NFIB: variants seen among roughly 807,000 people sequenced by gnomAD.
The protein encoded by NFIB is nuclear factor 1 B-type.
In NFIB, 11 loss-of-function variants were observed where a neutral mutation model predicts 61.5. The ratio of observed to expected loss-of-function variants is 0.18; its 90% CI spans 0.11 to 0.30. The LOEUF (loss-of-function observed/expected upper bound fraction) is 0.30. Ranked by LOEUF, NFIB falls within the 10% of genes least tolerant of loss-of-function variation. NFIB has a pLI of 1.00. For synonymous variants in NFIB, 260 were observed against 216.5 expected (o/e 1.20, Z -1.76); for missense variants, 471 against 608.9 (o/e 0.77, Z 2.38).
At chr9:14,517,018 G>A in the NFIB span, among the ~76,000 whole-genome samples, 1 of 152,170 alleles carries the variant, frequency 6.6e-6, no homozygotes, top group Non-Finnish European at 1.5e-5. Context: ...ACAACTGTTG[G>A]CATTAGGGAT....
intron 2 of NFIB, among the ~76,000 whole-genome samples, chr9:14,295,778 C>A (rs773342965): frequency 6.6e-6 from 1 of 152,180 alleles, no homozygotes; most frequent in Non-Finnish European, 1.5e-5. Context: ...CAGTTTTACA[C>A]TTTTATTGGA....
chr9:14,378,885 A>G (rs2132993648), intron 1 of NFIB, among the ~76,000 whole-genome samples: 1 of 152,274 alleles, frequency 6.6e-6, no homozygotes, highest in African/African-American at 2.4e-5. Flanking sequence ...AGCACCTTGT[A>G]CTTCTGATTT....
At chr9:14,360,479 C>T (rs1341597935) in intron 1 of NFIB, among the ~76,000 whole-genome samples, 1 of 151,300 alleles carries the variant, frequency 6.6e-6, no homozygotes, top group Non-Finnish European at 1.5e-5. Context: ...CAAATTATAA[C>T]AAAAAGTATT....
the NFIB span, among the ~76,000 whole-genome samples, chr9:14,483,060 A>G: frequency 6.6e-6 from 1 of 152,184 alleles, no homozygotes; most frequent in Non-Finnish European, 1.5e-5. Flanking sequence ...TACTCAAGGA[A>G]AAGACACAGG....
At chr9:14,099,854 C>T (rs1014186912) in intron 10 of NFIB, among the ~76,000 whole-genome samples, 1 of 152,160 alleles carries the variant, frequency 6.6e-6, no homozygotes, top group Non-Finnish European at 1.5e-5. Flanking sequence ...GAGCAGATCA[C>T]TTAAGTCAGG....
intron 2 of NFIB, among the ~76,000 whole-genome samples, chr9:14,212,237 G>A (rs944154302): frequency 6.6e-6 from 1 of 152,172 alleles, no homozygotes; most frequent in African/African-American, 2.4e-5. Flanking sequence ...TCCAATTGAT[G>A]AAAGCAAAAC....
At chr9:14,136,187 A>T (rs559081260) in intron 6 of NFIB, among the ~76,000 whole-genome samples, 37 of 152,348 alleles carry the variant, frequency 2.4e-4, no homozygotes, top group African/African-American at 8.7e-4. Flanking sequence ...TTTTAAAAAC[A>T]CTTCAAAATG....
chr9:14,518,696 A>T, the NFIB span, among the ~76,000 whole-genome samples: 1 of 152,098 alleles, frequency 6.6e-6, no homozygotes, highest in Non-Finnish European at 1.5e-5. Flanking sequence ...ACCAAGTTGT[A>T]GAGGAAGGGA....
intron 1 of NFIB, among the ~76,000 whole-genome samples, chr9:14,353,983 G>A (rs1395236591): frequency 6.6e-6 from 1 of 151,888 alleles, no homozygotes; most frequent in Non-Finnish European, 1.5e-5. Context: ...AGCTGATCTG[G>A]GGCAAATCAC....
intron 1 of NFIB, among the ~76,000 whole-genome samples, chr9:14,347,588 G>GAGGAGAAGGGAGAA (rs1554715820): frequency 6.6e-6 from 1 of 151,274 alleles, no homozygotes; most frequent in Non-Finnish European, 1.5e-5. Flanking sequence ...GATTGGGAGA[G>GAGGAGAAGGGAGAA]GGGAGAAGGG....
At chr9:14,302,761 C>G (rs903320183) in intron 2 of NFIB, among the ~76,000 whole-genome samples, 1 of 151,828 alleles carries the variant, frequency 6.6e-6, no homozygotes. Context: ...ACCACCACCA[C>G]CACCCCCTTC....
At chr9:14,283,419 A>T (rs1220057073) in intron 2 of NFIB, among the ~76,000 whole-genome samples, 1 of 152,210 alleles carries the variant, frequency 6.6e-6, no homozygotes, top group African/African-American at 2.4e-5. Flanking sequence ...TATCTTGGGG[A>T]TCAAAGTTCC....
At chr9:14,188,672 G>C (rs1394746515) in intron 2 of NFIB, among the ~76,000 whole-genome samples, 1 of 152,182 alleles carries the variant, frequency 6.6e-6, no homozygotes, top group East Asian at 1.9e-4. Context: ...GGAACAATTT[G>C]CCAACGCAGT....
At chr9:14,185,975 A>C (rs1348646479) in intron 2 of NFIB, among the ~76,000 whole-genome samples, 1 of 152,242 alleles carries the variant, frequency 6.6e-6, no homozygotes, top group Non-Finnish European at 1.5e-5. Flanking sequence ...CTGAGGCAAG[A>C]AAGTTTTAAT....
At chr9:14,301,340 A>C (rs1030116968) in intron 2 of NFIB, among the ~76,000 whole-genome samples, 2 of 152,174 alleles carry the variant, frequency 1.3e-5, no homozygotes, top group African/African-American at 4.8e-5. Context: ...ATTTGGAATT[A>C]TTTTACCACA....
intron 10 of NFIB, among the ~76,000 whole-genome samples, chr9:14,109,403 C>T (rs116996530): frequency 0.013 from 1,942 of 151,908 alleles, 19 homozygotes; most frequent in Non-Finnish European, 0.02. Context: ...GAAGTTAAGT[C>T]GGGGCGGGGG....
intron 2 of NFIB, among the ~76,000 whole-genome samples, chr9:14,256,616 T>C (rs1016491892): frequency 6.6e-6 from 1 of 152,166 alleles, no homozygotes; most frequent in Non-Finnish European, 1.5e-5. Context: ...TGCCAGACCA[T>C]TAAAATATTT....
At chr9:14,419,544 G>A in the NFIB span, among the ~76,000 whole-genome samples, 2 of 152,068 alleles carry the variant, frequency 1.3e-5, no homozygotes, top group Admixed American at 1.3e-4. Context: ...TTTTGAACAA[G>A]AGACCCCGTG....
the NFIB span, among the ~76,000 whole-genome samples, chr9:14,456,011 G>C: frequency 6.6e-6 from 1 of 152,090 alleles, no homozygotes; most frequent in African/African-American, 2.4e-5. Context: ...TAATTCATTT[G>C]GATTGGCATC....
Sources: gnomAD v4.1 joint callset for allele counts (sites outside exome capture counted in the v4.1 genomes callset) on GRCh38, gnomAD v4.1.1 for gene constraint, MANE v1.5 for transcripts, NCBI Gene and HGNC (gene_info 2026-07-23, HGNC 2026-07-21) for gene names.